SPEF2: variants seen among roughly 807,000 people sequenced by gnomAD.
SPEF2 encodes the protein sperm flagellar and cilia associated 2.
In SPEF2, 187 loss-of-function variants were observed where a neutral mutation model predicts 224.6. The observed-to-expected ratio is 0.83, with a 90% confidence interval of 0.74 to 0.94. The LOEUF (loss-of-function observed/expected upper bound fraction) is 0.94. SPEF2 is among the 40% of genes least tolerant of loss of function. The probability of loss-of-function intolerance (pLI) is 0.00; values close to 1 mark genes in which losing one functional copy is unlikely to be tolerated. For synonymous variants in SPEF2, 715 were observed against 707.3 expected (o/e 1.01, Z -0.17); for missense variants, 2,170 against 2,135.6 (o/e 1.02, Z -0.32).
intron 10 of SPEF2, among the ~76,000 whole-genome samples, chr5:35,674,538 C>T (rs1751639106): frequency 8.6e-6 from 1 of 116,726 alleles, no homozygotes; most frequent in African/African-American, 3.2e-5. Context: ...TCCCCCGACC[C>T]CAAAACAGGC....
At chr5:35,769,343 A>G (rs1752483166) in intron 26 of SPEF2, among the ~76,000 whole-genome samples, 1 of 152,128 alleles carries the variant, frequency 6.6e-6, no homozygotes, top group Admixed American at 6.6e-5. Flanking sequence ...CAAGTACAGT[A>G]TCTGGTATTC....
At chr5:35,635,587 C>T (rs1055040632) in intron 2 of SPEF2, among the ~76,000 whole-genome samples, 6 of 152,116 alleles carry the variant, frequency 3.9e-5, no homozygotes, top group Non-Finnish European at 8.8e-5. Context: ...AACGTCAAAT[C>T]CTAGAAAACA....
chr5:35,803,378 A>G (rs1036403442), intron 34 of SPEF2, among the ~76,000 whole-genome samples: 1 of 152,220 alleles, frequency 6.6e-6, no homozygotes, highest in Non-Finnish European at 1.5e-5. Context: ...ACTGTGTGCT[A>G]GTGTTCCTAC....
At chr5:35,812,281 G>A (rs1198142964) in intron 36 of SPEF2, among the ~76,000 whole-genome samples, 1 of 152,068 alleles carries the variant, frequency 6.6e-6, no homozygotes, top group East Asian at 1.9e-4. Flanking sequence ...GGACTTTACT[G>A]GTGCAGTGCC....
chr5:35,789,909 T>G (rs77403017), intron 30 of SPEF2: 1 of 702,844 alleles, frequency 1.4e-6, no homozygotes, highest in Non-Finnish European at 2.6e-6. Flanking sequence ...ATGTTGAAAT[T>G]AGAGATTTAT....
intron 10 of SPEF2, chr5:35,675,790 T>C (rs1461272099): frequency 1.0e-5 from 4 of 384,324 alleles, no homozygotes; most frequent in Non-Finnish European, 2.1e-5. Flanking sequence ...AGAACATCAA[T>C]GTATTAGTTT....
intron 1 of SPEF2, among the ~76,000 whole-genome samples, chr5:35,618,632 T>C (rs1743003108): frequency 1.3e-5 from 2 of 152,210 alleles, no homozygotes; most frequent in Non-Finnish European, 1.5e-5. Flanking sequence ...ATGTAGAATA[T>C]GTTAACATTT....
intron 10 of SPEF2, among the ~76,000 whole-genome samples, chr5:35,680,282 C>T (rs758715699): frequency 9.9e-5 from 15 of 152,126 alleles, no homozygotes; most frequent in Admixed American, 2.0e-4. Flanking sequence ...GTTGTTACTT[C>T]GGGAGATACT....
chr5:35,797,342 G>A (rs1440126289), intron 33 of SPEF2, among the ~76,000 whole-genome samples: 1 of 151,870 alleles, frequency 6.6e-6, no homozygotes, highest in South Asian at 2.1e-4. Context: ...GTGTGTGTGT[G>A]TGTGTGTGTG....
intron 20 of SPEF2, among the ~76,000 whole-genome samples, chr5:35,726,697 T>G (rs1286623393): frequency 6.6e-6 from 1 of 152,212 alleles, no homozygotes; most frequent in African/African-American, 2.4e-5. Context: ...AGGAAGAAAG[T>G]GCTCCTGGTT....
At chr5:35,771,851 C>T (rs1752899901) in intron 27 of SPEF2, 95 bp downstream of exon 27, 1 of 1,391,080 alleles carries the variant, frequency 7.2e-7, no homozygotes, top group Non-Finnish European at 9.6e-7. Context: ...GCCTCTAAGC[C>T]ACTAAAATAC....
chr5:35,685,332 A>T (rs1403314851), intron 10 of SPEF2, among the ~76,000 whole-genome samples: 1 of 152,152 alleles, frequency 6.6e-6, no homozygotes, highest in Non-Finnish European at 1.5e-5. Flanking sequence ...TCATATCAGA[A>T]ATTCTGGCAC....
intron 2 of SPEF2, among the ~76,000 whole-genome samples, chr5:35,632,771 T>A (rs1041777385): frequency 6.6e-6 from 1 of 152,210 alleles, no homozygotes; most frequent in African/African-American, 2.4e-5. Flanking sequence ...TCTTTATTTA[T>A]CTCAAATAAT....
At chr5:35,649,329 G>C in intron 5 of SPEF2, 32 bp from the exon 6 acceptor site, 1 of 1,567,264 alleles carries the variant, frequency 6.4e-7, no homozygotes, top group Non-Finnish European at 8.7e-7. Context: ...GGTTTTTAGA[G>C]GCAGAGAACT....
intron 30 of SPEF2, chr5:35,789,733 T>A: frequency 2.9e-6 from 2 of 681,526 alleles, no homozygotes; most frequent in Non-Finnish European, 5.3e-6. Flanking sequence ...ACTTTGAACC[T>A]ATTATTCTCC....
chr5:35,625,680 T>C (rs1432630216), intron 1 of SPEF2, among the ~76,000 whole-genome samples: 1 of 151,878 alleles, frequency 6.6e-6, no homozygotes, highest in Non-Finnish European at 1.5e-5. Context: ...AAGGGAAGAA[T>C]AGGGATAGGC....
intron 26 of SPEF2, among the ~76,000 whole-genome samples, chr5:35,765,053 A>G (rs1751908009): frequency 6.6e-6 from 1 of 152,048 alleles, no homozygotes; most frequent in Non-Finnish European, 1.5e-5. Context: ...GCTCCTTCCC[A>G]TTTCTAACCC....
At chr5:35,700,297 C>A in intron 15 of SPEF2, 199 bp from the exon 16 acceptor site, 1 of 601,358 alleles carries the variant, frequency 1.7e-6, no homozygotes, top group Non-Finnish European at 2.9e-6. Flanking sequence ...TGGAGGGCAG[C>A]ACAGTATCCA....
chr5:35,661,279 TA>T (rs1418089000), intron 8 of SPEF2, among the ~76,000 whole-genome samples: 19 of 100,724 alleles, frequency 1.9e-4, no homozygotes, highest in Non-Finnish European at 2.5e-4. Flanking sequence ...TATATATATA[TA>T]TATATATATA....
Sources: allele counts gnomAD v4.1 joint callset (sites outside exome capture counted in the v4.1 genomes callset), GRCh38; gene constraint gnomAD v4.1.1; transcripts MANE v1.5; gene names NCBI Gene and HGNC (gene_info 2026-07-23, HGNC 2026-07-21).